PPM1D: variants seen among roughly 807,000 people sequenced by gnomAD.
The protein encoded by PPM1D is protein phosphatase 1D.
A neutral mutation model predicts 58.3 loss-of-function variants in PPM1D; 52 were observed. That is an observed-to-expected ratio of 0.89 (90% CI 0.71 to 1.12). The LOEUF (loss-of-function observed/expected upper bound fraction) is 1.12, where lower values mean the gene tolerates loss of function less well. Ranked by LOEUF, PPM1D falls within the 50% of genes most tolerant of loss-of-function variation. The pLI is 0.00. For synonymous variants in PPM1D, 278 were observed against 285.1 expected (o/e 0.98, Z 0.25); for missense variants, 564 against 777.2 (o/e 0.73, Z 3.26).
intron 3 of PPM1D, 136 bp from the exon 4 acceptor site, chr17:60,647,756 A>G (rs2031274588): frequency 2.5e-6 from 2 of 786,780 alleles, no homozygotes; most frequent in Non-Finnish European, 4.0e-6. Flanking sequence ...TCTTATCATG[A>G]GAGGAGTTTG....
At chr17:60,627,865 G>T (rs1230077203) in intron 2 of PPM1D, among the ~76,000 whole-genome samples, 1 of 151,808 alleles carries the variant, frequency 6.6e-6, no homozygotes, top group African/African-American at 2.4e-5. Context: ...GTCAGTCAAT[G>T]AAGACATTAG....
intron 4 of PPM1D, among the ~76,000 whole-genome samples, chr17:60,651,257 T>TG (rs1368327128): frequency 3.3e-5 from 5 of 152,202 alleles, no homozygotes; most frequent in African/African-American, 7.2e-5. Flanking sequence ...TGGAACCACA[T>TG]GCCGTAGGGA....
At chr17:60,616,010 G>C (rs959194575) in intron 1 of PPM1D, among the ~76,000 whole-genome samples, 4 of 151,862 alleles carry the variant, frequency 2.6e-5, no homozygotes, top group Non-Finnish European at 4.4e-5. Context: ...TAATTTTTTT[G>C]TTTTTGTTTT....
At chr17:60,609,773 A>G (rs781747575) in intron 1 of PPM1D, among the ~76,000 whole-genome samples, 2 of 152,202 alleles carry the variant, frequency 1.3e-5, no homozygotes, top group Non-Finnish European at 2.9e-5. Context: ...TTACTTAATA[A>G]TGGACCCAAA....
chr17:60,649,657 C>T (rs2031308829), intron 4 of PPM1D, among the ~76,000 whole-genome samples: 1 of 151,788 alleles, frequency 6.6e-6, no homozygotes, highest in South Asian at 2.1e-4. Flanking sequence ...CCATTGCACT[C>T]CAGCCTGGGC....
intron 5 of PPM1D, among the ~76,000 whole-genome samples, chr17:60,659,947 C>T (rs2031499758): frequency 6.6e-6 from 1 of 151,998 alleles, no homozygotes; most frequent in South Asian, 2.1e-4. Context: ...TGTGGTGGCT[C>T]ACGCCTGTAA....
chr17:60,632,307 A>G (rs1047350500), intron 2 of PPM1D, among the ~76,000 whole-genome samples: 43 of 152,320 alleles, frequency 2.8e-4, no homozygotes, highest in African/African-American at 1.0e-3. Flanking sequence ...CTATATGTCT[A>G]CAGCTGATCT....
At position 60,600,339 on chromosome 17, in the gene PPM1D, G is replaced by C. The variant is rs944309598; in HGVS notation, c.-76G>C. 6.6e-7 allele frequency: 1 copy of C among 1,509,590 alleles called. No individual in the cohort carries two copies. The highest frequency in any genetic ancestry group is 1.4e-5 in the African/African-American group (1 of 69,810). 93.5% of individuals were successfully genotyped at this position (1,509,590 alleles called of 1,614,324 possible). On this transcript the variant is annotated 5_prime_UTR_variant, in exon 1 of 6. Transcript: ENST00000305921. Reference sequence around the variant, plus strand: ...CGTCGAAGATAAACAATAGTTGGCCGGCGAGCGCCTAGTGTGTCTCCCGCC... The same window carrying C: ...CGTCGAAGATAAACAATAGTTGGCCCGCGAGCGCCTAGTGTGTCTCCCGCC...
intron 3 of PPM1D, among the ~76,000 whole-genome samples, chr17:60,644,437 AAGAATG>A (rs2031197487): frequency 6.6e-6 from 1 of 152,166 alleles, no homozygotes; most frequent in Non-Finnish European, 1.5e-5. Context: ...AACCTGACTG[AAGAATG>A]ATCCTTGAAT....
chr17:60,607,354 C>T (rs907146642), intron 1 of PPM1D, among the ~76,000 whole-genome samples: 12 of 152,144 alleles, frequency 7.9e-5, no homozygotes, highest in Admixed American at 1.3e-4. Context: ...GCGATCTCAG[C>T]TCACTGCAAC....
rs1324068752 is a variant in PPM1D at position 60,632,054 on chromosome 17, T to TGTAGTCCCAGCTACTC, written c.702-1798_702-1783dup. Among the ~76,000 whole-genome samples the TGTAGTCCCAGCTACTC allele has an allele frequency of 2.6e-5, 4 of 152,178 alleles. No individual in the cohort carries two copies. The East Asian group carries it at 7.7e-4, about 29-fold the overall frequency. Reference sequence around the variant, plus strand: ...TTAGCCAGGCATGGTGGCAGGTGCCTGTAGTCCCAGCTACTCATAGTCCCA... The same window carrying TGTAGTCCCAGCTACTC: ...TTAGCCAGGCATGGTGGCAGGTGCCTGTAGTCCCAGCTACTCGTAGTCCCAGCTACTCATAGTCCCA... On this transcript the variant is annotated intron_variant, in intron 2 of 5. Coordinates refer to ENST00000305921, the MANE Select transcript of PPM1D (RefSeq NM_003620.4).
intron 1 of PPM1D, among the ~76,000 whole-genome samples, chr17:60,619,693 T>G (rs2030659514): frequency 6.6e-6 from 1 of 151,534 alleles, no homozygotes; most frequent in African/African-American, 2.4e-5. Context: ...CCCAGACTCC[T>G]TGGCTCAATG....
Position 60,663,591 on chromosome 17 carries a change from A to AC in PPM1D, c.*39_*40insC. On this transcript the variant is annotated 3_prime_UTR_variant, in exon 6 of 6. Coordinates refer to ENST00000305921, the MANE Select transcript of PPM1D (RefSeq NM_003620.4). ...AATGAGGTTTTTCCAAACTTAGGATATAAGAGGGCTTTTTAAATTTGGTGC... is the reference window on the plus strand; with the variant it reads ...AATGAGGTTTTTCCAAACTTAGGATACTAAGAGGGCTTTTTAAATTTGGTGC... 1.3e-6 allele frequency: 2 copies of AC among 1,552,532 alleles called. No homozygotes were observed. Among genetic ancestry groups the AC allele is most frequent in the Non-Finnish European group, 1.7e-6 (2 of 1,155,274 alleles).
At position 60,600,581 on chromosome 17, in the gene PPM1D, C is replaced by T. The variant is rs748834097; in HGVS notation, c.167C>T (p.Ala56Val). Reference sequence around the variant, plus strand: ...CCGTTGCCTCCGCGGCCGTCGCCGGCCGCCCTTCCCGGCGGCGAAGTCTCG... The same window carrying T: ...CCGTTGCCTCCGCGGCCGTCGCCGGTCGCCCTTCCCGGCGGCGAAGTCTCG... ...SQPLPPRPSP[A>V]ALPGGEVSGK... Residue 56 changes from alanine to valine, a missense_variant, in exon 1 of 6, where the codon GCC becomes GTC. Around this residue, in one of 7 missense-constraint regions of PPM1D, gnomAD observed 132 missense variants for 150.4 expected, o/e 0.88. Coordinates refer to ENST00000305921, the MANE Select transcript of PPM1D (RefSeq NM_003620.4). 1 of 1,553,448 alleles carries T rather than the reference C, an allele frequency of 6.4e-7. No individual in the cohort carries two copies. The highest frequency in any genetic ancestry group is 1.2e-5 in the South Asian group (1 of 84,462).
intron 1 of PPM1D, among the ~76,000 whole-genome samples, chr17:60,618,459 A>G (rs897345546): frequency 1.3e-5 from 2 of 152,194 alleles, no homozygotes; most frequent in Non-Finnish European, 2.9e-5. Flanking sequence ...TTCGGTTGCT[A>G]TTGTCGAACT....
In PPM1D at chr17:60,664,803, ATTTT is replaced by A. The variant is rs2031589120; in HGVS notation, c.*1252_*1255del. The A allele has an allele frequency of 6.6e-6, 1 of 151,828 alleles. No homozygotes were observed. Among genetic ancestry groups the A allele is most frequent in the Non-Finnish European group, 1.5e-5 (1 of 67,972 alleles). The allele number at this position is 151,828 out of a possible 1,614,324, so 9.4% of individuals were successfully genotyped here. On this transcript the variant is annotated 3_prime_UTR_variant, in exon 6 of 6. Coordinates refer to ENST00000305921, the MANE Select transcript of PPM1D (RefSeq NM_003620.4). ...AGTGAGTGTATTTTATTTATTTATT[ATTTT>A]GTTTGTTTGTTTGAGATGGAGTCTC...
intron 4 of PPM1D, among the ~76,000 whole-genome samples, chr17:60,651,836 A>G (rs1018833003): frequency 7.2e-5 from 11 of 152,176 alleles, no homozygotes; most frequent in Non-Finnish European, 1.0e-4. Context: ...TATCATAGTA[A>G]AACCCCTCAA....
chr17:60,658,129 C>T (rs2031471742), intron 5 of PPM1D, among the ~76,000 whole-genome samples: 1 of 152,182 alleles, frequency 6.6e-6, no homozygotes, highest in African/African-American at 2.4e-5. Context: ...CTTTTCAAAG[C>T]TGTGAAAGAG....
intron 3 of PPM1D, among the ~76,000 whole-genome samples, chr17:60,637,712 G>A (rs1423152823): frequency 6.6e-6 from 1 of 152,128 alleles, no homozygotes; most frequent in Non-Finnish European, 1.5e-5. Flanking sequence ...TCTAGTGGCT[G>A]AGCCCTGAGA....
Sources: allele counts gnomAD v4.1 joint callset (sites outside exome capture counted in the v4.1 genomes callset), GRCh38; gene constraint gnomAD v4.1.1; regional missense constraint gnomAD v4.1.1; transcripts MANE v1.5; gene names NCBI Gene and HGNC (gene_info 2026-07-23, HGNC 2026-07-21).